COL21A1: variants seen among roughly 807,000 people sequenced by gnomAD.
COL21A1 encodes collagen type XXI alpha 1 chain.
COL21A1 carries 149 observed loss-of-function variants against 137.9 expected under a neutral mutation model. That is an observed-to-expected ratio of 1.08 (90% CI 0.95 to 1.24). The LOEUF is 1.24. COL21A1 is among the 50% of genes most tolerant of loss of function. The pLI is 0.00. For missense variants in COL21A1, 1,167 were observed against 1,158.4 expected (o/e 1.01, Z -0.11); for synonymous variants, 456 against 391.5 (o/e 1.16, Z -1.95).
chr6:56,390,834 G>C (rs1282203691), intron 1 of COL21A1, among the ~76,000 whole-genome samples: 2 of 152,030 alleles, frequency 1.3e-5, no homozygotes, highest in East Asian at 3.8e-4. Context: ...GCAAATATTA[G>C]AGGTATATAG....
chr6:56,304,939 T>A (rs1020651979), intron 1 of COL21A1, among the ~76,000 whole-genome samples: 5 of 152,230 alleles, frequency 3.3e-5, no homozygotes, highest in Admixed American at 6.5e-5. Context: ...TGTGTCTTTG[T>A]TCTCTTTGGT....
chr6:56,160,322 C>G (rs981771909), intron 9 of COL21A1, among the ~76,000 whole-genome samples: 7 of 152,076 alleles, frequency 4.6e-5, no homozygotes, highest in Non-Finnish European at 8.8e-5. Context: ...TTTATTATTC[C>G]CATTTTCTGT....
intron 1 of COL21A1, among the ~76,000 whole-genome samples, chr6:56,299,261 G>T (rs1380620156): frequency 7.1e-6 from 1 of 141,190 alleles, no homozygotes. Flanking sequence ...TTTCTGCTTT[G>T]GGGAAAAGTG....
intron 12 of COL21A1, among the ~76,000 whole-genome samples, chr6:56,135,008 C>A (rs928382403): frequency 6.6e-6 from 1 of 150,930 alleles, no homozygotes; most frequent in Admixed American, 6.6e-5. Flanking sequence ...ACTCCAAAAA[C>A]CAAAAATTAA....
intron 17 of COL21A1, among the ~76,000 whole-genome samples, chr6:56,083,724 T>G (rs1767987495): frequency 6.6e-6 from 1 of 151,882 alleles, no homozygotes; most frequent in African/African-American, 2.4e-5. Context: ...TAATACTAAG[T>G]CAATAATAAT....
At chr6:56,130,433 T>C (rs931718340) in intron 12 of COL21A1, among the ~76,000 whole-genome samples, 4 of 151,820 alleles carry the variant, frequency 2.6e-5, no homozygotes, top group African/African-American at 7.3e-5. Context: ...TAAGATATAC[T>C]ATTAATAAGA....
At chr6:56,120,799 TA>T (rs34706290) in intron 16 of COL21A1, among the ~76,000 whole-genome samples, 93,635 of 136,388 alleles carry the variant, frequency 0.69, 31,463 homozygotes, top group East Asian at 0.85. Flanking sequence ...TGTCTCAATT[TA>T]AAAAAAAAAA....
intron 17 of COL21A1, among the ~76,000 whole-genome samples, chr6:56,084,520 T>C (rs1279049421): frequency 6.6e-6 from 1 of 151,960 alleles, no homozygotes; most frequent in Non-Finnish European, 1.5e-5. Flanking sequence ...ACAACTTCTA[T>C]ACTTTTTGAG....
At chr6:56,243,439 T>C (rs1429594255) in intron 1 of COL21A1, among the ~76,000 whole-genome samples, 2 of 152,170 alleles carry the variant, frequency 1.3e-5, no homozygotes, top group African/African-American at 4.8e-5. Context: ...AGACAAATTA[T>C]CCCATTAAAT....
At chr6:56,163,079 A>G (rs1391194664) in intron 9 of COL21A1, among the ~76,000 whole-genome samples, 1 of 152,216 alleles carries the variant, frequency 6.6e-6, no homozygotes, top group African/African-American at 2.4e-5. Flanking sequence ...GAATAGAAAA[A>G]CATACATAAA....
intron 1 of COL21A1, among the ~76,000 whole-genome samples, chr6:56,290,510 T>C (rs11755307): frequency 0.27 from 40,064 of 147,578 alleles, 7,073 homozygotes; most frequent in Non-Finnish European, 0.38. Flanking sequence ...TTTTTTTTTT[T>C]TTTTTTTGAG....
At chr6:56,100,923 G>T (rs530601551) in intron 17 of COL21A1, among the ~76,000 whole-genome samples, 9 of 152,210 alleles carry the variant, frequency 5.9e-5, no homozygotes, top group African/African-American at 1.4e-4. Context: ...TTGAGGGTAG[G>T]TACCTTTGAT....
At chr6:56,389,043 T>C (rs1420899462) in intron 1 of COL21A1, among the ~76,000 whole-genome samples, 2 of 152,120 alleles carry the variant, frequency 1.3e-5, no homozygotes, top group African/African-American at 2.4e-5. Context: ...AAATAACTAA[T>C]GAGCCTGAAG....
chr6:56,283,874 A>ACT (rs66937943), intron 1 of COL21A1, among the ~76,000 whole-genome samples: 3,451 of 146,240 alleles, frequency 0.024, 43 homozygotes, highest in Middle Eastern at 0.031. Context: ...TCACACACAC[A>ACT]CTCTCTCTCT....
At chr6:56,113,460 G>C (rs1285299296) in intron 16 of COL21A1, among the ~76,000 whole-genome samples, 1 of 152,142 alleles carries the variant, frequency 6.6e-6, no homozygotes, top group Non-Finnish European at 1.5e-5. Flanking sequence ...GACACACCCT[G>C]GGCCAGAAGT....
intron 1 of COL21A1, among the ~76,000 whole-genome samples, chr6:56,238,705 C>T (rs1782071122): frequency 6.6e-6 from 1 of 152,104 alleles, no homozygotes. Flanking sequence ...AGTTCCCTCT[C>T]CCAAGTACTA....
chr6:56,182,664 G>C lies in COL21A1; in HGVS notation c.-38-8C>G. The C allele has an allele frequency of 8.3e-7, 1 of 1,204,130 alleles. No individual in the cohort carries two copies. Among genetic ancestry groups the C allele is most frequent in the Non-Finnish European group, 1.2e-6 (1 of 842,538 alleles). The allele number at this position is 1,204,130 out of a possible 1,614,324, so 74.6% of individuals were successfully genotyped here. ...ATTTTGGTTTTAGGATTCCTAGGGG[G>C]AAAAAAAAGGCAAGTTAAATATATT... On this transcript the variant is annotated splice_region_variant and splice_polypyrimidine_tract_variant and intron_variant, in intron 1 of 29. Coordinates refer to ENST00000244728, the MANE Select transcript of COL21A1 (RefSeq NM_030820.4).
intron 1 of COL21A1, among the ~76,000 whole-genome samples, chr6:56,246,918 G>C (rs1157046589): frequency 6.6e-6 from 1 of 152,180 alleles, no homozygotes; most frequent in Non-Finnish European, 1.5e-5. Context: ...TGCTGCTCAA[G>C]CATCGATTTT....
At chr6:56,388,992 C>T (rs2143349) in intron 1 of COL21A1, among the ~76,000 whole-genome samples, 66,349 of 151,908 alleles carry the variant, frequency 0.44, 15,622 homozygotes, top group East Asian at 0.64. Context: ...AACTGAAAAA[C>T]GTGTCAGAGT....
Sources: allele counts gnomAD v4.1 joint callset (sites outside exome capture counted in the v4.1 genomes callset), GRCh38; gene constraint gnomAD v4.1.1; transcripts MANE v1.5; gene names NCBI Gene and HGNC (gene_info 2026-07-23, HGNC 2026-07-21).